Variants in DPP6 observed in about 807,000 individuals in gnomAD.
DPP6 encodes dipeptidyl peptidase like 6, also known as A-type potassium channel modulatory protein DPP6.
Under a neutral mutation model 122.6 loss-of-function variants are expected in DPP6, and 69 were observed. The observed-to-expected ratio is 0.56, with a 90% CI of 0.46 to 0.69. The LOEUF (loss-of-function observed/expected upper bound fraction) is 0.69. DPP6 is among the 30% of genes least tolerant of loss of function. The pLI is 0.00. For missense variants in DPP6, 928 were observed against 1,116.9 expected (o/e 0.83, Z 2.41); for synonymous variants, 418 against 433.1 (o/e 0.97, Z 0.43).
At chr7:153,954,699 A>C (rs1208305319) in intron 1 of DPP6, among the ~76,000 whole-genome samples, 1 of 152,136 alleles carries the variant, frequency 6.6e-6, no homozygotes, top group African/African-American at 2.4e-5. Context: ...AATAGAGCAA[A>C]AGACTGACCG....
chr7:154,383,113 T>TG (rs1373355702), intron 1 of DPP6, among the ~76,000 whole-genome samples: 1 of 152,226 alleles, frequency 6.6e-6, no homozygotes, highest in Non-Finnish European at 1.5e-5. Flanking sequence ...AAAATGAACC[T>TG]GCTGACAAGG....
At chr7:154,419,401 A>C (rs1817273668) in intron 1 of DPP6, among the ~76,000 whole-genome samples, 1 of 152,240 alleles carries the variant, frequency 6.6e-6, no homozygotes, top group Admixed American at 6.5e-5. Flanking sequence ...AATAGTGCTC[A>C]CAGCTTAGTT....
chr7:154,641,274 T>G (rs1246419738), intron 6 of DPP6, among the ~76,000 whole-genome samples: 1 of 152,218 alleles, frequency 6.6e-6, no homozygotes, highest in Admixed American at 6.5e-5. Context: ...TGTTTGACTT[T>G]GACATACCAA....
At chr7:154,117,448 A>G (rs1360970693) in intron 1 of DPP6, among the ~76,000 whole-genome samples, 3 of 152,260 alleles carry the variant, frequency 2.0e-5, no homozygotes, top group African/African-American at 7.2e-5. Context: ...AAGGGAACCC[A>G]CGTTTTGGAC....
chr7:154,838,366 A>T (rs1235687412), intron 16 of DPP6: 1 of 152,226 alleles, frequency 6.6e-6, no homozygotes, highest in Non-Finnish European at 1.5e-5. Flanking sequence ...GCGGCTTCTC[A>T]AGAGACTCTG....
At chr7:154,494,926 C>A (rs1824599035) in intron 3 of DPP6, among the ~76,000 whole-genome samples, 1 of 152,160 alleles carries the variant, frequency 6.6e-6, no homozygotes, top group African/African-American at 2.4e-5. Flanking sequence ...TGGGTGCTTT[C>A]TCGAGATACA....
chr7:154,697,584 C>T (rs1307992785), intron 7 of DPP6, among the ~76,000 whole-genome samples: 3 of 152,240 alleles, frequency 2.0e-5, no homozygotes, highest in Non-Finnish European at 4.4e-5. Flanking sequence ...TGGCAGAGGT[C>T]ACATGGATAC....
chr7:154,892,229 C>A (rs1806673414), intron 25 of DPP6, 105 bp from the exon 26 acceptor site: 2 of 1,482,356 alleles, frequency 1.3e-6, no homozygotes, highest in South Asian at 1.3e-5. Flanking sequence ...TACAATCCAG[C>A]CCCGGACGGG....
rs192046985 is a variant in DPP6 at position 154,630,841 on chromosome 7, C to T, written c.628-6980C>T. Among the ~76,000 whole-genome samples the T allele has an allele frequency of 1.6e-4, 24 of 152,194 alleles. 1 individual carries two copies. The South Asian group carries it at 3.9e-3, about 25-fold the overall frequency. On this transcript the variant is annotated intron_variant, in intron 5 of 25. Transcript: ENST00000377770. ...GGACAAATCCCTAATGCATGCAGGGCTTAAAACCTAGATGACAGATTGATG... is the reference window on the plus strand; with the variant it reads ...GGACAAATCCCTAATGCATGCAGGGTTTAAAACCTAGATGACAGATTGATG...
At chr7:154,816,561 G>A (rs138739086) in intron 16 of DPP6, among the ~76,000 whole-genome samples, 250 of 152,292 alleles carry the variant, frequency 1.6e-3, no homozygotes, top group Admixed American at 4.4e-3. Context: ...TGCATGTAGA[G>A]TACTTACCAT....
At chr7:154,590,703 T>A (rs144461649) in intron 5 of DPP6, among the ~76,000 whole-genome samples, 19 of 149,694 alleles carry the variant, frequency 1.3e-4, no homozygotes, top group African/African-American at 4.2e-4. Context: ...CCCGGCTAAT[T>A]TTGTATGTTT....
intron 18 of DPP6, among the ~76,000 whole-genome samples, chr7:154,872,240 C>T (rs1206071137): frequency 6.6e-6 from 1 of 152,242 alleles, no homozygotes; most frequent in East Asian, 1.9e-4. Context: ...TATCCATCCC[C>T]AGCATCCCCG....
chr7:154,451,361 C>CAAAAAAAAAAA (rs397890050), intron 2 of DPP6, among the ~76,000 whole-genome samples: 1 of 122,152 alleles, frequency 8.2e-6, no homozygotes, highest in African/African-American at 2.9e-5. Context: ...CCTGTCTCAC[C>CAAAAAAAAAAA]AAAAAAAAAA....
the DPP6 span, among the ~76,000 whole-genome samples, chr7:153,757,516 T>C: frequency 6.6e-6 from 1 of 152,126 alleles, no homozygotes; most frequent in Non-Finnish European, 1.5e-5. Flanking sequence ...GTAGACTCGA[T>C]CTTAGCATTG....
intron 1 of DPP6, among the ~76,000 whole-genome samples, chr7:153,967,393 G>A (rs2129031737): frequency 6.6e-6 from 1 of 152,282 alleles, no homozygotes; most frequent in East Asian, 1.9e-4. Context: ...CTGTGGAAAA[G>A]AGGCCGGAGC....
chr7:154,581,789 T>G (rs1243856227), intron 5 of DPP6, among the ~76,000 whole-genome samples: 2 of 152,222 alleles, frequency 1.3e-5, no homozygotes, highest in Non-Finnish European at 2.9e-5. Flanking sequence ...GGCTTGTGTA[T>G]TGTGCGCGGC....
intron 1 of DPP6, among the ~76,000 whole-genome samples, chr7:154,207,692 G>C (rs1039854193): frequency 4.1e-4 from 63 of 152,354 alleles, no homozygotes; most frequent in African/African-American, 1.4e-3. Context: ...GCAATATACA[G>C]AGTATATCTG....
chr7:154,302,657 A>G lies in DPP6; in HGVS notation c.244-143557A>G, dbSNP rs114277508. Among the ~76,000 whole-genome samples the G allele has an allele frequency of 3.2e-3, 480 of 152,348 alleles. 1 individual carries two copies. Among genetic ancestry groups the G allele is most frequent in the African/African-American group, 0.011 (467 of 41,582 alleles). On this transcript the variant is annotated intron_variant, in intron 1 of 25. Transcript: ENST00000377770. ...ATCATGTATCACTTTACAAATATCC[A>G]CAAGCTTTGCACTCTATCCATATTT... is the stretch of plus-strand genomic sequence containing the variant.
chr7:154,234,913 C>T (rs762191987), intron 1 of DPP6, among the ~76,000 whole-genome samples: 6 of 152,158 alleles, frequency 3.9e-5, no homozygotes, highest in African/African-American at 1.4e-4. Context: ...CTGGGATCCC[C>T]GTGCCTCCCT....
Sources: allele counts gnomAD v4.1 joint callset (sites outside exome capture counted in the v4.1 genomes callset), GRCh38; gene constraint gnomAD v4.1.1; transcripts MANE v1.5; gene names NCBI Gene and HGNC (gene_info 2026-07-23, HGNC 2026-07-21).